The following KLRG1 variants were observed in gnomAD, a reference collection of about 807,000 sequenced individuals.
The protein encoded by KLRG1 is killer cell lectin like receptor G1.
In KLRG1, 16 loss-of-function variants were observed where a neutral mutation model predicts 21.8. The ratio of observed to expected loss-of-function variants is 0.73; its 90% CI spans 0.50 to 1.11. The LOEUF (loss-of-function observed/expected upper bound fraction) is 1.11, where lower values mean the gene tolerates loss of function less well. Ranked by LOEUF, KLRG1 falls within the 50% of genes most tolerant of loss-of-function variation. The pLI, the probability that KLRG1 is intolerant of heterozygous loss-of-function variation, is 0.00. For synonymous variants in KLRG1, 69 were observed against 75.9 expected (o/e 0.91, Z 0.47); for missense variants, 173 against 218.3 (o/e 0.79, Z 1.31).
chr12:9,110,691 CTA>C, the KLRG1 span, among the ~76,000 whole-genome samples: 1 of 151,820 alleles, frequency 6.6e-6, no homozygotes, highest in Non-Finnish European at 1.5e-5. Context: ...TATATACCTG[CTA>C]TGTTTCCACA....
intron 1 of KLRG1, among the ~76,000 whole-genome samples, chr12:8,982,001 C>A (rs1946762222): frequency 6.6e-6 from 1 of 152,078 alleles, no homozygotes; most frequent in Admixed American, 6.6e-5. Context: ...TTATACTCAC[C>A]TATTTTTGTC....
At chr12:9,116,681 T>A in the KLRG1 span, among the ~76,000 whole-genome samples, 151 of 152,294 alleles carry the variant, frequency 9.9e-4, 2 homozygotes, top group African/African-American at 3.5e-3. Flanking sequence ...CACCCATGCA[T>A]TTATTCATCC....
At chr12:9,148,160 ATATATATTCAT>A in the KLRG1 span, among the ~76,000 whole-genome samples, 1 of 152,184 alleles carries the variant, frequency 6.6e-6, no homozygotes, top group African/African-American at 2.4e-5. Context: ...ACGTTTTGAA[ATATATATTCAT>A]TGTAGAATGG....
At chr12:9,126,576 G>T in the KLRG1 span, among the ~76,000 whole-genome samples, 2 of 152,166 alleles carry the variant, frequency 1.3e-5, no homozygotes, top group African/African-American at 4.8e-5. Context: ...AGGGACTCCA[G>T]GTCTTTCAGT....
At chr12:8,956,657 G>A (rs138396008) in intron 1 of KLRG1, among the ~76,000 whole-genome samples, 4 of 152,214 alleles carry the variant, frequency 2.6e-5, no homozygotes, top group East Asian at 3.9e-4. Flanking sequence ...ACGTTGGCCC[G>A]GCTGGTCTCG....
the KLRG1 span, chr12:9,160,978 A>C: frequency 5.3e-6 from 7 of 1,326,728 alleles, no homozygotes; most frequent in Non-Finnish European, 7.6e-6. Flanking sequence ...TACGTAGATA[A>C]GATGTACAGT....
chr12:9,104,529 G>GAA, the KLRG1 span: 975 of 853,822 alleles, frequency 1.1e-3, 2 homozygotes, highest in African/African-American at 5.9e-3. Flanking sequence ...ACACAGCAGT[G>GAA]AAAAAAAACG....
At chr12:9,205,261 C>G in the KLRG1 span, among the ~76,000 whole-genome samples, 1 of 152,114 alleles carries the variant, frequency 6.6e-6, no homozygotes, top group Non-Finnish European at 1.5e-5. Flanking sequence ...TGTCCTTTGT[C>G]TCTAATGCCC....
At chr12:9,106,186 T>G in the KLRG1 span, 1 of 1,074,996 alleles carries the variant, frequency 9.3e-7, no homozygotes, top group Non-Finnish European at 1.4e-6. Flanking sequence ...ACTATTGTGC[T>G]AATTAGGTAA....
the KLRG1 span, chr12:9,149,587 G>A: frequency 5.4e-5 from 87 of 1,612,898 alleles, 2 homozygotes; most frequent in Non-Finnish European, 6.6e-5. Context: ...GATATACTCA[G>A]CAACCACAGA....
the KLRG1 span, among the ~76,000 whole-genome samples, chr12:9,033,527 A>G: frequency 6.6e-6 from 1 of 152,050 alleles, no homozygotes; most frequent in East Asian, 1.9e-4. Flanking sequence ...CTTTGGGGAA[A>G]TTGGGCACTG....
the KLRG1 span, among the ~76,000 whole-genome samples, chr12:9,065,469 C>A: frequency 6.6e-6 from 1 of 152,178 alleles, no homozygotes; most frequent in African/African-American, 2.4e-5. Context: ...ACTGTCACAG[C>A]CTGGCCGAGC....
the KLRG1 span, among the ~76,000 whole-genome samples, chr12:9,097,071 CT>C: frequency 6.6e-6 from 1 of 152,164 alleles, no homozygotes; most frequent in South Asian, 2.1e-4. Context: ...ATAAATAGGA[CT>C]GTCTGCCTTA....
At chr12:8,992,779 T>A (rs1329092892) in intron 2 of KLRG1, among the ~76,000 whole-genome samples, 1 of 152,044 alleles carries the variant, frequency 6.6e-6, no homozygotes, top group Non-Finnish European at 1.5e-5. Context: ...CTCAAGCCAT[T>A]TGCCCTTCTT....
At chr12:8,961,906 G>A (rs926098307) in intron 1 of KLRG1, among the ~76,000 whole-genome samples, 1 of 152,098 alleles carries the variant, frequency 6.6e-6, no homozygotes, top group Non-Finnish European at 1.5e-5. Flanking sequence ...GATAACATAG[G>A]AAGACCTCAT....
At chr12:9,140,489 C>T in the KLRG1 span, among the ~76,000 whole-genome samples, 5 of 152,168 alleles carry the variant, frequency 3.3e-5, no homozygotes, top group South Asian at 4.2e-4. Context: ...TGCCAGTAAC[C>T]GTTATTAAAA....
chr12:8,970,868 A>G (rs953234392), intron 1 of KLRG1, among the ~76,000 whole-genome samples: 4 of 152,142 alleles, frequency 2.6e-5, no homozygotes, highest in South Asian at 2.1e-4. Flanking sequence ...CACGTGATCT[A>G]TATCTTTTTT....
At chr12:9,173,756 C>T in the KLRG1 span, among the ~76,000 whole-genome samples, 95 of 152,262 alleles carry the variant, frequency 6.2e-4, no homozygotes, top group African/African-American at 2.0e-3. Context: ...TGGACACATA[C>T]ACCCTCCCAA....
chr12:8,990,990 T>C (rs968211231), intron 1 of KLRG1, among the ~76,000 whole-genome samples: 6 of 152,160 alleles, frequency 3.9e-5, no homozygotes, highest in African/African-American at 1.4e-4. Context: ...TATGAAGGCA[T>C]CTCTCATTAT....
Sources: allele counts gnomAD v4.1 joint callset (sites outside exome capture counted in the v4.1 genomes callset), GRCh38; gene constraint gnomAD v4.1.1; transcripts MANE v1.5; gene names NCBI Gene and HGNC (gene_info 2026-07-23, HGNC 2026-07-21).